Variants in ERCC5 observed in about 807,000 individuals in gnomAD.
The protein encoded by ERCC5 is DNA excision repair protein ERCC-5.
A neutral mutation model predicts 105.6 loss-of-function variants in ERCC5; 68 were observed. The observed-to-expected ratio is 0.64, with a 90% CI of 0.53 to 0.79. ERCC5 has a LOEUF of 0.79. Ranked by LOEUF, ERCC5 falls within the 30% of genes least tolerant of loss-of-function variation. The probability of loss-of-function intolerance (pLI) is 0.00; values close to 1 mark genes in which losing one functional copy is unlikely to be tolerated. For missense variants in ERCC5, 1,373 were observed against 1,426.7 expected (o/e 0.96, Z 0.61); for synonymous variants, 546 against 526.2 (o/e 1.04, Z -0.51).
chr13:102,871,341 G>A (rs934033209), intron 12 of ERCC5, among the ~76,000 whole-genome samples: 22 of 152,150 alleles, frequency 1.4e-4, no homozygotes, highest in Non-Finnish European at 4.4e-5. Flanking sequence ...ATGGGAGGAG[G>A]GTCCAAGAGT....
chr13:102,863,950 A>C (rs2140529591), intron 8 of ERCC5, among the ~76,000 whole-genome samples: 1 of 152,292 alleles, frequency 6.6e-6, no homozygotes, highest in Non-Finnish European at 1.5e-5. Flanking sequence ...GAATCTATTA[A>C]GATGGTGGTT....
At chr13:102,866,898 G>A (rs758931818) in intron 11 of ERCC5, 53 bp downstream of exon 11, 4 of 1,548,322 alleles carry the variant, frequency 2.6e-6, no homozygotes, top group Non-Finnish European at 3.5e-6. Context: ...TTCAGAGTTT[G>A]TCCTAGGAAG....
At position 102,875,368 on chromosome 13, in the gene ERCC5, G is replaced by C; in HGVS notation, c.3026G>C (p.Arg1009Pro). 5 of 1,613,868 alleles carry C rather than the reference G, an allele frequency of 3.1e-6. No homozygotes were observed. Among genetic ancestry groups the C allele is most frequent in the Non-Finnish European group, 3.4e-6 (4 of 1,179,992 alleles). Residue 1009 changes from arginine (R) to proline (P), a missense_variant, in exon 15 of 15, where the codon CGT becomes CCT. Coordinates refer to ENST00000652225, the MANE Select transcript of ERCC5 (RefSeq NM_000123.4). ...CAACAGGAGAAAGAAGATGCTAAAC[G>C]TATTAAGAGCCAGAGACTAAACAGA... ...LAQQEKEDAKRIKSQRLNRAV... is the reference protein window; with the variant it reads ...LAQQEKEDAKPIKSQRLNRAV...
intron 2 of ERCC5, 147 bp from the exon 3 acceptor site, chr13:102,853,610 T>C (rs1457230123): frequency 1.1e-5 from 8 of 754,694 alleles, no homozygotes; most frequent in Non-Finnish European, 1.8e-5. Context: ...CCTGAAGATA[T>C]ACACTGATAT....
At chr13:102,847,370 G>A (rs533831630) in intron 1 of ERCC5, among the ~76,000 whole-genome samples, 2 of 151,030 alleles carry the variant, frequency 1.3e-5, no homozygotes, top group East Asian at 3.9e-4. Flanking sequence ...CCTAAATGGG[G>A]ATCTATGAGT....
rs538432156 is a variant in ERCC5, at chr13:102,863,482, A to T, written c.1954+379A>T. 7.9e-4 allele frequency among the ~76,000 whole-genome samples: 121 copies of T among 152,324 alleles called. 1 individual carries two copies. The highest frequency in any genetic ancestry group is 4.9e-3 in the Admixed American group (75 of 15,300). ...GGCTAGCATGTTACCACATTAGCTTAGAATTTCTCTTGGTCTCTCTGTGGC... is the reference window on the plus strand; with the variant it reads ...GGCTAGCATGTTACCACATTAGCTTTGAATTTCTCTTGGTCTCTCTGTGGC... On this transcript the variant is annotated intron_variant, in intron 8 of 14. Transcript: ENST00000652225.
At chr13:102,852,009 T>C in intron 1 of ERCC5, 109 bp from the exon 2 acceptor site, 1 of 1,240,808 alleles carries the variant, frequency 8.1e-7, no homozygotes, top group East Asian at 2.3e-5. Flanking sequence ...AAATGAATAG[T>C]GATAAGTATT....
At chr13:102,859,982 C>G (rs4150308) in intron 6 of ERCC5, among the ~76,000 whole-genome samples, 3,782 of 152,264 alleles carry the variant, frequency 0.025, 168 homozygotes, top group African/African-American at 0.086. Flanking sequence ...ATCTCACACC[C>G]TCCTGCTCCA....
At chr13:102,854,970 G>C (rs181109769) in intron 4 of ERCC5, among the ~76,000 whole-genome samples, 10 of 152,264 alleles carry the variant, frequency 6.6e-5, no homozygotes, top group African/African-American at 2.4e-4. Flanking sequence ...TTTGTCCCCT[G>C]TCCTTCCCTC....
At chr13:102,873,423 T>C in intron 14 of ERCC5, 80 bp downstream of exon 14, 1 of 1,488,730 alleles carries the variant, frequency 6.7e-7, no homozygotes, top group East Asian at 2.3e-5. Context: ...CAGTTAACTC[T>C]TATTTTGGGG....
At chr13:102,874,476 A>T (rs1883130398) in intron 14 of ERCC5, among the ~76,000 whole-genome samples, 1 of 152,152 alleles carries the variant, frequency 6.6e-6, no homozygotes, top group Admixed American at 6.5e-5. Flanking sequence ...TTAATTTTCA[A>T]GTTTGTTATA....
intron 8 of ERCC5, chr13:102,864,710 G>C (rs1439603116): frequency 1.3e-5 from 2 of 152,112 alleles, no homozygotes; most frequent in East Asian, 1.9e-4. Context: ...TGGAGCATGG[G>C]GTTTAGACAC....
At position 102,846,062 on chromosome 13, in the gene ERCC5, G is replaced by T. The variant is rs766401680; in HGVS notation, c.-205G>T. 18 of 587,344 alleles carry T rather than the reference G, an allele frequency of 3.1e-5. No individual in the cohort carries two copies. Among genetic ancestry groups the T allele is most frequent in the Non-Finnish European group, 4.9e-5 (16 of 329,120 alleles). 36.4% of individuals were successfully genotyped at this position (587,344 alleles called of 1,614,324 possible). On this transcript the variant is annotated 5_prime_UTR_variant, in exon 1 of 15. Transcript: ENST00000652225. Reference sequence around the variant, plus strand: ...GGGAGGCGGTGACAGCTGCTGAGACGTGTTGCAGCCAGAGTCTCTCCGCTT... The same window carrying T: ...GGGAGGCGGTGACAGCTGCTGAGACTTGTTGCAGCCAGAGTCTCTCCGCTT...
chr13:102,856,244 G>A (rs1566465856), intron 5 of ERCC5, 132 bp downstream of exon 5: 1 of 831,980 alleles, frequency 1.2e-6, no homozygotes, highest in South Asian at 1.5e-5. Flanking sequence ...CTTTTTGGTT[G>A]TGCATATATA....
rs1218011780 is a variant in ERCC5, at chr13:102,866,824, G to A, written c.2512G>A (p.Val838Met). 6.2e-7 allele frequency: 1 copy of A among 1,611,912 alleles called. No homozygotes were observed. Among genetic ancestry groups the A allele is most frequent in the Non-Finnish European group, 8.5e-7 (1 of 1,178,706 alleles). ...KNKFVEYYQY[V>M]DFHNQLGLDR... ...CAAGTTTGTAGAATATTATCAATAT[G>A]TGGACTTTCACAATCAATTGGGTAA... The change falls in exon 11 of 15, where the codon GTG (valine) becomes ATG (methionine). Residue 838 changes from valine (V) to methionine (M), a missense_variant. By Grantham distance (21) the Val-to-Met change is conservative. Transcript: ENST00000652225.
intron 2 of ERCC5, among the ~76,000 whole-genome samples, chr13:102,853,535 A>G (rs897850052): frequency 1.3e-5 from 2 of 152,242 alleles, no homozygotes; most frequent in Admixed American, 6.5e-5. Context: ...AGTTTCCCAA[A>G]TATATTGTGT....
chr13:102,859,220 A>G (rs1338096452), intron 6 of ERCC5, among the ~76,000 whole-genome samples: 1 of 152,242 alleles, frequency 6.6e-6, no homozygotes, highest in Admixed American at 6.5e-5. Context: ...TTCACCCACT[A>G]TAGGACAGAA....
intron 5 of ERCC5, 123 bp from the exon 6 acceptor site, chr13:102,858,152 T>A (rs1306597177): frequency 2.2e-6 from 3 of 1,385,488 alleles, no homozygotes; most frequent in Admixed American, 2.0e-5. Context: ...GCAACTGTGT[T>A]TAGCCAATTG....
At position 102,868,136 on chromosome 13, in the gene ERCC5, A is replaced by C. The variant is rs752326263; in HGVS notation, c.2557A>C (p.Asn853His). 2.5e-6 allele frequency: 4 copies of C among 1,614,040 alleles called. No individual in the cohort carries two copies. Among genetic ancestry groups the C allele is most frequent in the East Asian group, 2.2e-5 (1 of 44,880 alleles). ...AGGATTGGACCGGAATAAGTTAATA[A>C]ATTTGGCTTATTTGCTTGGAAGTGA... ...QLGLDRNKLINLAYLLGSDYT... is the reference protein window; with the variant it reads ...QLGLDRNKLIHLAYLLGSDYT... The change falls in exon 12 of 15, where the codon AAT becomes CAT. Residue 853 changes from asparagine (N) to histidine (H), a missense_variant. Coordinates refer to ENST00000652225, the MANE Select transcript of ERCC5 (RefSeq NM_000123.4).
Sources: gnomAD v4.1 joint callset for allele counts (sites outside exome capture counted in the v4.1 genomes callset) on GRCh38, gnomAD v4.1.1 for gene constraint, MANE v1.5 for transcripts, NCBI Gene and HGNC (gene_info 2026-07-23, HGNC 2026-07-21) for gene names.